Variants in WDR76 observed in about 807,000 individuals in gnomAD.
WDR76 encodes WD repeat domain 76, also known as WD repeat-containing protein 76.
In WDR76, 52 loss-of-function variants were observed where a neutral mutation model predicts 70.2. The ratio of observed to expected loss-of-function variants is 0.74; its 90% CI spans 0.59 to 0.93. The LOEUF (loss-of-function observed/expected upper bound fraction) is 0.93, where lower values mean the gene tolerates loss of function less well. Ranked by LOEUF, WDR76 falls within the 40% of genes least tolerant of loss-of-function variation. WDR76 has a pLI of 0.00. For synonymous variants in WDR76, 292 were observed against 271.1 expected (o/e 1.08, Z -0.76); for missense variants, 756 against 760.2 (o/e 0.99, Z 0.07).
At chr15:43,852,386 TGTA>T (rs934394570) in intron 9 of WDR76, among the ~76,000 whole-genome samples, 4 of 151,736 alleles carry the variant, frequency 2.6e-5, no homozygotes. Context: ...TTGTTGTTGT[TGTA>T]GAGATGGAGT....
chr15:43,831,009 C>G (rs758860276), intron 2 of WDR76, among the ~76,000 whole-genome samples: 1 of 151,986 alleles, frequency 6.6e-6, no homozygotes, highest in Non-Finnish European at 1.5e-5. Flanking sequence ...GATCATACCA[C>G]TGCACACCAG....
Position 43,828,112 on chromosome 15 carries a change from C to G in WDR76, c.208C>G (p.Leu70Val), listed in dbSNP as rs773633413. 1.9e-6 allele frequency: 3 copies of G among 1,614,150 alleles called. No homozygotes were observed. The highest frequency in any genetic ancestry group is 2.2e-5 in the East Asian group (1 of 44,878). The change falls in exon 2 of 13, where the codon CTA (leucine) becomes GTA (valine). Residue 70 changes from leucine to valine, a missense_variant. Physicochemically the swap from Leu to Val is conservative, Grantham distance 32 (BLOSUM62 1). Coordinates refer to ENST00000263795, the MANE Select transcript of WDR76 (RefSeq NM_024908.4). ...QLDQLMCPKS[L>V]SEKNSNNEVA... Reference sequence around the variant, plus strand: ...AGACCAGCTTATGTGCCCCAAATCCCTATCAGAAAAGAATTCTAACAATGA... The same window carrying G: ...AGACCAGCTTATGTGCCCCAAATCCGTATCAGAAAAGAATTCTAACAATGA...
chr15:43,861,238 A>G (rs368114889), intron 11 of WDR76, 95 bp from the exon 12 acceptor site: 2 of 1,051,554 alleles, frequency 1.9e-6, no homozygotes, highest in Non-Finnish European at 1.5e-6. Context: ...TATATTTCAT[A>G]CCATGAATTA....
In WDR76 at chr15:43,827,825, G is replaced by A. The variant is rs185572881; in HGVS notation, c.61-140G>A. On this transcript the variant is annotated intron_variant, in intron 1 of 12. Coordinates refer to ENST00000263795, the MANE Select transcript of WDR76 (RefSeq NM_024908.4). ...CTCCCAAAGTGCTGGGATTACAGGC[G>A]TGAGCCACTGCACCTGGCCTCAATT... 4.2e-3 allele frequency: 3,799 copies of A among 915,198 alleles called. 10 individuals carry two copies. The highest frequency in any genetic ancestry group is 5.4e-3 in the Admixed American group (174 of 32,504). The allele number at this position is 915,198 out of a possible 1,614,324, so 56.7% of individuals were successfully genotyped here.
At chr15:43,845,108 C>T (rs1359388007) in intron 8 of WDR76, among the ~76,000 whole-genome samples, 1 of 146,720 alleles carries the variant, frequency 6.8e-6, no homozygotes, top group Non-Finnish European at 1.5e-5. Context: ...ACTACAGGCG[C>T]CTGCCACCAT....
chr15:43,841,201 GTTTTTTTT>G (rs910565504), intron 5 of WDR76, among the ~76,000 whole-genome samples: 2 of 102,272 alleles, frequency 2.0e-5, no homozygotes, highest in African/African-American at 7.9e-5. Flanking sequence ...TTGTTTTTTT[GTTTTTTTT>G]TTTTTTTTTT....
At chr15:43,833,656 G>A (rs573145664) in intron 2 of WDR76, among the ~76,000 whole-genome samples, 9 of 146,412 alleles carry the variant, frequency 6.1e-5, no homozygotes, top group Middle Eastern at 4.1e-3. Flanking sequence ...TTTTTGAGAC[G>A]GAGTCTTGCT....
chr15:43,841,778 A>C (rs1046885146), intron 5 of WDR76, among the ~76,000 whole-genome samples: 2 of 152,238 alleles, frequency 1.3e-5, no homozygotes, highest in Non-Finnish European at 2.9e-5. Context: ...GAGTTAAGAT[A>C]ATCTGAGTCA....
chr15:43,832,951 C>T (rs982252834), intron 2 of WDR76, among the ~76,000 whole-genome samples: 3 of 151,290 alleles, frequency 2.0e-5, no homozygotes, highest in South Asian at 2.1e-4. Context: ...GACGGGGTTT[C>T]GACACGTTGG....
At chr15:43,854,125 G>T (rs1015563217) in intron 9 of WDR76, among the ~76,000 whole-genome samples, 1 of 152,132 alleles carries the variant, frequency 6.6e-6, no homozygotes, top group Non-Finnish European at 1.5e-5. Flanking sequence ...GGTAAAGTTG[G>T]TTGGGGAAAG....
At chr15:43,864,680 C>T (rs929313666) in intron 12 of WDR76, among the ~76,000 whole-genome samples, 14 of 151,844 alleles carry the variant, frequency 9.2e-5, no homozygotes, top group African/African-American at 2.4e-4. Context: ...CTGCAACCTC[C>T]GCCTCCTGGG....
chr15:43,835,751 C>T lies in WDR76; in HGVS notation c.553-410C>T, dbSNP rs576283056. Among the ~76,000 whole-genome samples, 13 of 151,434 alleles carry T rather than the reference C, an allele frequency of 8.6e-5. No homozygotes were observed. In the East Asian group the frequency reaches 1.4e-3, roughly 16 times the overall value. On this transcript the variant is annotated intron_variant, in intron 3 of 12. Transcript: ENST00000263795. ...TTGGCTCACTGCAACCTCTGCCTCC[C>T]GGGTTCAAGTGATTCTCCTACCTTA...
At chr15:43,842,335 C>CA in intron 5 of WDR76, 80 bp from the exon 6 acceptor site, 1 of 1,271,014 alleles carries the variant, frequency 7.9e-7, no homozygotes, top group Non-Finnish European at 1.1e-6. Flanking sequence ...GTGGGGAAAA[C>CA]AGACAAATAC....
Position 43,827,004 on chromosome 15 carries a change from G to A in WDR76, c.-29G>A, listed in dbSNP as rs759087024. The A allele has an allele frequency of 6.2e-7, 1 of 1,612,226 alleles. No individual in the cohort carries two copies. Among genetic ancestry groups the A allele is most frequent in the Admixed American group, 1.7e-5 (1 of 59,996 alleles). On this transcript the variant is annotated 5_prime_UTR_variant, in exon 1 of 13. Transcript: ENST00000263795. ...CGGCCTCCCGCCGCAATCTTGGCGG[G>A]AAGGCGCCGGCCGCTAAGAAGCCGA... is the stretch of plus-strand genomic sequence containing the variant.
intron 6 of WDR76, 29 bp from the exon 7 acceptor site, chr15:43,842,595 AACTT>A: frequency 2.5e-6 from 4 of 1,603,188 alleles, no homozygotes; most frequent in Non-Finnish European, 3.4e-6. Flanking sequence ...TATACATACT[AACTT>A]AGTTCTTTCA....
In WDR76 at chr15:43,866,307, A is replaced by G. The variant is rs779754856; in HGVS notation, c.1796A>G (p.Asn599Ser). 1.9e-6 allele frequency: 3 copies of G among 1,614,006 alleles called. No individual in the cohort carries two copies. The highest frequency in any genetic ancestry group is 1.6e-4 in the Middle Eastern group (1 of 6,084). The stretch of plus-strand genomic sequence containing the variant: ...TACCTTGTCTCTGTGTGTTCCATCA[A>G]TGCCATGCACCCAACTCGGTATATT... ...GEYLVSVCSI[N>S]AMHPTRYILA... is the part of the protein sequence containing the mutation. Residue 599 changes from asparagine to serine, a missense_variant, in exon 13 of 13, where the codon AAT (asparagine) becomes AGT (serine). Asn to Ser is a conservative substitution (Grantham distance 46). Transcript: ENST00000263795.
chr15:43,830,018 T>C (rs890282539), intron 2 of WDR76, among the ~76,000 whole-genome samples: 5 of 151,466 alleles, frequency 3.3e-5, no homozygotes, highest in Non-Finnish European at 4.4e-5. Context: ...CTTTTCTTTT[T>C]TTTTTTTTAA....
At chr15:43,847,886 G>A in intron 8 of WDR76, among the ~76,000 whole-genome samples, 1 of 152,028 alleles carries the variant, frequency 6.6e-6, no homozygotes, top group Non-Finnish European at 1.5e-5. Flanking sequence ...TTACTTAGTT[G>A]TTTAATTATC....
At chr15:43,832,441 TTG>T (rs1189904857) in intron 2 of WDR76, among the ~76,000 whole-genome samples, 1 of 151,754 alleles carries the variant, frequency 6.6e-6, no homozygotes, top group African/African-American at 2.4e-5. Context: ...TGTTTTTTTT[TTG>T]TTTTTTTGTT....
Sources: gnomAD v4.1 joint callset for allele counts (sites outside exome capture counted in the v4.1 genomes callset) on GRCh38, gnomAD v4.1.1 for gene constraint, MANE v1.5 for transcripts, NCBI Gene and HGNC (gene_info 2026-07-23, HGNC 2026-07-21) for gene names.